Variants in MROH1 observed in about 807,000 individuals in gnomAD.
MROH1 encodes the protein maestro heat-like repeat-containing protein family member 1.
In MROH1, 117 loss-of-function variants were observed where a neutral mutation model predicts 116.5. The observed-to-expected ratio is 1.00, with a 90% CI of 0.86 to 1.17. The LOEUF is 1.17. MROH1 is among the 50% of genes most tolerant of loss of function. The probability of loss-of-function intolerance (pLI) is 0.00; values close to 1 mark genes in which losing one functional copy is unlikely to be tolerated. For synonymous variants in MROH1, 921 were observed against 583.9 expected, an observed-to-expected ratio of 1.58 and a Z score of -8.32; for missense variants, 1,873 against 1,338.5, an observed-to-expected ratio of 1.40 and a Z score of -6.23.
intron 29 of MROH1, among the ~76,000 whole-genome samples, chr8:144,246,909 G>T (rs1247815047): frequency 6.6e-6 from 1 of 152,178 alleles, no homozygotes; most frequent in Non-Finnish European, 1.5e-5. Flanking sequence ...AGGGGGTCTT[G>T]TACAGTCCTG....
At chr8:144,212,283 C>T (rs993718167) in intron 12 of MROH1, among the ~76,000 whole-genome samples, 1 of 152,040 alleles carries the variant, frequency 6.6e-6, no homozygotes, top group Non-Finnish European at 1.5e-5. Flanking sequence ...TGGGGTCTCA[C>T]TATGTTGCCC....
At chr8:144,243,266 A>G (rs1046089397) in intron 24 of MROH1, among the ~76,000 whole-genome samples, 1 of 152,212 alleles carries the variant, frequency 6.6e-6, no homozygotes, top group Non-Finnish European at 1.5e-5. Context: ...GTCACACCAC[A>G]CAGTGTCTGC....
rs1466812242 is a variant in MROH1, at chr8:144,260,265, C to T, written c.4271C>T (p.Ala1424Val). 2.3e-5 allele frequency: 18 copies of T among 765,958 alleles called. No individual in the cohort carries two copies. The highest frequency in any genetic ancestry group is 3.4e-5 in the Non-Finnish European group (14 of 417,138). The allele number at this position is 765,958 out of a possible 1,614,324, so 47.4% of individuals were successfully genotyped here. A position where few individuals can be genotyped will look rare whatever the true frequency, so the allele number is the denominator to read the frequency against. ...DDGDNPHSPV[A>V]LEAMLGLARL... ...GGGGACAACCCTCACAGCCCAGTGG[C>T]CCTGGAGGCCATGCTGGGCCTTGCG... The change falls in exon 39 of 44, where the codon GCC (alanine) becomes GTC (valine). Residue 1424 changes from alanine (A) to valine (V), a missense_variant. Transcript: ENST00000326134.
At chr8:144,152,713 A>T (rs1416502161) in intron 1 of MROH1, among the ~76,000 whole-genome samples, 1 of 151,718 alleles carries the variant, frequency 6.6e-6, no homozygotes, top group Non-Finnish European at 1.5e-5. Context: ...CACCCGGCTA[A>T]TTTTTTGTAT....
chr8:144,149,966 A>G (rs1816326998), intron 1 of MROH1, among the ~76,000 whole-genome samples: 1 of 151,774 alleles, frequency 6.6e-6, no homozygotes, highest in Non-Finnish European at 1.5e-5. Flanking sequence ...GCTGGGAGAG[A>G]AGGTTCCTTG....
chr8:144,204,583 C>G (rs891951301), intron 12 of MROH1, among the ~76,000 whole-genome samples: 1 of 152,160 alleles, frequency 6.6e-6, no homozygotes, highest in Non-Finnish European at 1.5e-5. Context: ...TCTCAAGTCC[C>G]TCAGAAGGGG....
chr8:144,180,223 G>A lies in MROH1; in HGVS notation c.346G>A (p.Ala116Thr). ...GCAGGCGGCGAGTGGCGTCCTGGTG[G>A]CCGTGGGAAGACAGTTCATCAGCAA... ...WQQAASGVLVAVGRQFISKVM... is the reference protein window; with the variant it reads ...WQQAASGVLVTVGRQFISKVM... The change falls in exon 6 of 44, where the codon GCC (alanine) becomes ACC (threonine). Residue 116 changes from alanine (A) to threonine (T), a missense_variant. Ala to Thr is a moderately conservative substitution (Grantham distance 58, BLOSUM62 0). Coordinates refer to ENST00000326134, the MANE Select transcript of MROH1 (RefSeq NM_032450.3). The surrounding 1 kb of genome is among the most constrained non-coding windows in gnomAD (Gnocchi z 7.4). The A allele has an allele frequency of 6.2e-7, 1 of 1,613,680 alleles. No homozygotes were observed. Among genetic ancestry groups the A allele is most frequent in the Non-Finnish European group, 8.5e-7 (1 of 1,179,846 alleles).
intron 7 of MROH1, among the ~76,000 whole-genome samples, chr8:144,185,902 C>T (rs984630731): frequency 1.4e-4 from 1 of 7,106 alleles, no homozygotes; most frequent in East Asian, 3.3e-3. Context: ...TGAGGGGTGG[C>T]GGGGGGGCGG....
At chr8:144,202,775 T>C (rs1253418629) in intron 12 of MROH1, among the ~76,000 whole-genome samples, 1 of 85,560 alleles carries the variant, frequency 1.2e-5, no homozygotes, top group Non-Finnish European at 2.2e-5. Flanking sequence ...GAGCACCCGC[T>C]GTCTGTGGAG....
chr8:144,229,189 C>T (rs903765264), intron 14 of MROH1, among the ~76,000 whole-genome samples: 1 of 152,114 alleles, frequency 6.6e-6, no homozygotes, highest in Non-Finnish European at 1.5e-5. Context: ...TCAAAGTTAT[C>T]CATGAGGTTT....
chr8:144,249,709 C>T (rs991482039), intron 32 of MROH1, among the ~76,000 whole-genome samples: 84 of 152,314 alleles, frequency 5.5e-4, no homozygotes, highest in Admixed American at 1.8e-3. Flanking sequence ...ACAGCCCCCC[C>T]CAAGTCCCAT....
intron 7 of MROH1, among the ~76,000 whole-genome samples, chr8:144,187,137 A>T (rs1203541085): frequency 6.7e-6 from 1 of 150,142 alleles, no homozygotes; most frequent in African/African-American, 2.5e-5. Flanking sequence ...CAGGCCGGGC[A>T]TGGTGGCCTA....
At chr8:144,171,854 A>T (rs547303629) in intron 4 of MROH1, among the ~76,000 whole-genome samples, 1 of 152,246 alleles carries the variant, frequency 6.6e-6, no homozygotes, top group East Asian at 1.9e-4. Flanking sequence ...GGCCTACTCT[A>T]ACACCCTCTT....
rs1588479341 is a variant in MROH1, at chr8:144,248,939, C to T, written c.3183C>T (p.Ala1061=). ...LISLLLTMFE[A]LGDPEKNCSR... ...GCCTCTTGCTAACCATGTTTGAGGC[C>T]CTGGGAGACCCCGAAAAGAACTGCT... The change falls in exon 32 of 44, where the codon GCC becomes GCT. Residue 1061 remains alanine, a synonymous_variant. Transcript: ENST00000326134. 7.0e-5 allele frequency: 54 copies of T among 769,608 alleles called. No homozygotes were observed. The East Asian group carries it at 1.3e-3, about 18-fold the overall frequency. 47.7% of individuals were successfully genotyped at this position (769,608 alleles called of 1,614,324 possible). A position where few individuals can be genotyped will look rare whatever the true frequency, so the allele number is the denominator to read the frequency against.
At chr8:144,247,239 G>T in intron 29 of MROH1, 62 bp from the exon 30 acceptor site, 4 of 739,512 alleles carry the variant, frequency 5.4e-6, no homozygotes, top group Non-Finnish European at 9.9e-6. Context: ...CTGGGTACAG[G>T]TGGCATAGGT....
chr8:144,152,392 A>AT (rs1817013605), intron 1 of MROH1, among the ~76,000 whole-genome samples: 1 of 90,856 alleles, frequency 1.1e-5, no homozygotes, highest in African/African-American at 3.1e-5. Flanking sequence ...ATTTAAAAAA[A>AT]ATTTTTTTTT....
chr8:144,191,958 G>T, intron 9 of MROH1, 103 bp downstream of exon 9: 7 of 1,348,012 alleles, frequency 5.2e-6, no homozygotes, highest in Non-Finnish European at 6.1e-6. Flanking sequence ...GTGGGTGGGG[G>T]TGGCCCTGAG....
intron 31 of MROH1, among the ~76,000 whole-genome samples, chr8:144,248,416 C>A (rs918942749): frequency 1.2e-4 from 19 of 152,336 alleles, no homozygotes; most frequent in Admixed American, 9.1e-4. Context: ...TTAGGAATGG[C>A]CTTCCAGGTC....
chr8:144,171,452 C>A (rs1252102589), intron 4 of MROH1, among the ~76,000 whole-genome samples: 1 of 152,230 alleles, frequency 6.6e-6, no homozygotes, highest in Non-Finnish European at 1.5e-5. Context: ...GTTCCGCTAC[C>A]GGAAGCTCCT....
Sources: allele counts gnomAD v4.1 joint callset (sites outside exome capture counted in the v4.1 genomes callset), GRCh38; gene constraint gnomAD v4.1.1; non-coding constraint Gnocchi (gnomAD v3.1); transcripts MANE v1.5; gene names NCBI Gene and HGNC (gene_info 2026-07-23, HGNC 2026-07-21).